The following LMAN2L variants were observed in gnomAD, a reference collection of about 807,000 sequenced individuals.
The protein encoded by LMAN2L is lectin, mannose binding 2 like, also known as VIP36-like protein.
A neutral mutation model predicts 44.3 loss-of-function variants in LMAN2L; 30 were observed. The observed-to-expected ratio is 0.68, with a 90% CI of 0.51 to 0.92. The LOEUF (loss-of-function observed/expected upper bound fraction) is 0.92. Ranked by LOEUF, LMAN2L falls within the 40% of genes least tolerant of loss-of-function variation. LMAN2L has a pLI of 0.00. For missense variants in LMAN2L, 429 were observed against 446.1 expected (o/e 0.96, Z 0.35); for synonymous variants, 183 against 171.1 (o/e 1.07, Z -0.54).
chr2:96,733,542 G>T lies in LMAN2L; in HGVS notation c.484C>A (p.Pro162Thr). 6.2e-7 allele frequency: 1 copy of T among 1,613,788 alleles called. No homozygotes were observed. Among genetic ancestry groups the T allele is most frequent in the Non-Finnish European group, 8.5e-7 (1 of 1,179,824 alleles). ...VGLGVFVDTY[P>T]NEEKQQERVF... ...ACCTCTTGCTGCTTCTCCTCATTGG[G>T]GTAGGTGTCTACAAATACTCCCAGC... The change falls in exon 4 of 8, where the codon CCC becomes ACC. Residue 162 changes from proline (P) to threonine (T), a missense_variant. Physicochemically the swap from Pro to Thr is conservative, Grantham distance 38. Coordinates refer to ENST00000264963, the MANE Select transcript of LMAN2L (RefSeq NM_030805.4).
intron 4 of LMAN2L, among the ~76,000 whole-genome samples, chr2:96,712,879 A>T (rs949701764): frequency 6.6e-6 from 1 of 152,266 alleles, no homozygotes; most frequent in Non-Finnish European, 1.5e-5. Flanking sequence ...ATGCCAAGGC[A>T]GTGCAAAAAG....
At chr2:96,738,094 T>C (rs759313959) in intron 1 of LMAN2L, 27 bp from the exon 2 acceptor site, 3 of 1,526,206 alleles carry the variant, frequency 2.0e-6, no homozygotes, top group Admixed American at 1.7e-5. Flanking sequence ...GATCAGTTCA[T>C]ACTTTTCAAC....
intron 4 of LMAN2L, among the ~76,000 whole-genome samples, chr2:96,715,668 G>C (rs536169415): frequency 1.8e-4 from 28 of 152,264 alleles, no homozygotes; most frequent in African/African-American, 6.5e-4. Context: ...TCAACTTTTT[G>C]TACTACAAGA....
chr2:96,733,020 C>T (rs62156211), intron 4 of LMAN2L, among the ~76,000 whole-genome samples: 11,686 of 152,030 alleles, frequency 0.077, 509 homozygotes, highest in Middle Eastern at 0.16. Flanking sequence ...AAGTGCTGGG[C>T]TTACAGGTGT....
At chr2:96,715,849 T>C (rs1176066517) in intron 4 of LMAN2L, among the ~76,000 whole-genome samples, 1 of 152,254 alleles carries the variant, frequency 6.6e-6, no homozygotes, top group East Asian at 1.9e-4. Flanking sequence ...ATGTCACTTA[T>C]AGCTGTGTAA....
rs899350644 is a variant in LMAN2L at position 96,707,228 on chromosome 2, G to A, written c.*28C>T. 3.1e-6 allele frequency: 5 copies of A among 1,610,786 alleles called. No homozygotes were observed. Among genetic ancestry groups the A allele is most frequent in the Non-Finnish European group, 4.2e-6 (5 of 1,177,788 alleles). ...CTCCTTCCATACCTCATGGGTGACA[G>A]TCACAAAAGTGGTGGCAGCAGGAGG... is the stretch of plus-strand genomic sequence containing the variant. On this transcript the variant is annotated 3_prime_UTR_variant, in exon 8 of 8. Coordinates refer to ENST00000264963, the MANE Select transcript of LMAN2L (RefSeq NM_030805.4).
intron 4 of LMAN2L, among the ~76,000 whole-genome samples, chr2:96,731,189 T>C (rs2078388108): frequency 6.6e-6 from 1 of 152,148 alleles, no homozygotes; most frequent in Non-Finnish European, 1.5e-5. Context: ...TGCTACTGAG[T>C]ACAAGGACCA....
intron 6 of LMAN2L, 136 bp from the exon 7 acceptor site, chr2:96,707,969 T>A (rs2077822343): frequency 5.9e-6 from 5 of 841,392 alleles, no homozygotes; most frequent in Non-Finnish European, 9.3e-6. Flanking sequence ...AACCTCTCCA[T>A]TTTGCAACTA....
intron 4 of LMAN2L, among the ~76,000 whole-genome samples, chr2:96,721,767 A>T (rs2078161745): frequency 6.6e-6 from 1 of 152,078 alleles, no homozygotes; most frequent in Admixed American, 6.6e-5. Context: ...GGCACGAGCC[A>T]CCACACCCAG....
intron 4 of LMAN2L, among the ~76,000 whole-genome samples, chr2:96,724,089 ACT>A (rs2078218248): frequency 6.6e-6 from 1 of 150,956 alleles, no homozygotes; most frequent in Admixed American, 6.6e-5. Flanking sequence ...ACAGAGCGAG[ACT>A]CTGTCTCAAA....
At chr2:96,723,647 T>C (rs1277030131) in intron 4 of LMAN2L, among the ~76,000 whole-genome samples, 3 of 152,178 alleles carry the variant, frequency 2.0e-5, no homozygotes, top group African/African-American at 4.8e-5. Flanking sequence ...AAAAGTTTTA[T>C]AGTTTTAATT....
chr2:96,735,197 T>C (rs1180763045), intron 2 of LMAN2L, among the ~76,000 whole-genome samples: 4 of 152,180 alleles, frequency 2.6e-5, no homozygotes, highest in African/African-American at 4.8e-5. Context: ...GTGTTTTAAA[T>C]AGTTGAACGG....
rs1035118162 is a variant in LMAN2L, at chr2:96,722,137, T to G, written c.508-10112A>C. ...TGGCCGCCACCACGCCCGGCTAATT[T>G]TTTTGTATTTTTAGTAGAGACGGGG... is the stretch of plus-strand genomic sequence containing the variant. On this transcript the variant is annotated intron_variant, in intron 4 of 7. Coordinates refer to ENST00000264963, the MANE Select transcript of LMAN2L (RefSeq NM_030805.4). Among the ~76,000 whole-genome samples, 20 of 151,936 alleles carry G rather than the reference T, an allele frequency of 1.3e-4. No individual in the cohort carries two copies. In the South Asian group the frequency reaches 1.9e-3, roughly 14 times the overall value.
At chr2:96,732,600 C>T (rs1479128278) in intron 4 of LMAN2L, among the ~76,000 whole-genome samples, 9 of 149,576 alleles carry the variant, frequency 6.0e-5, no homozygotes, top group Non-Finnish European at 8.9e-5. Context: ...GCCGAGATCG[C>T]GCCACTGCAC....
intron 2 of LMAN2L, chr2:96,737,023 A>C (rs1431854616): frequency 2.7e-6 from 1 of 368,994 alleles, no homozygotes; most frequent in Non-Finnish European, 5.2e-6. Flanking sequence ...GTAAGTTCTT[A>C]GTTTAAGAGA....
At chr2:96,708,811 G>T (rs1326882418) in intron 6 of LMAN2L, among the ~76,000 whole-genome samples, 1 of 150,984 alleles carries the variant, frequency 6.6e-6, no homozygotes, top group East Asian at 1.9e-4. Context: ...CCAGAGAGAA[G>T]ATCAAGCAAT....
intron 4 of LMAN2L, among the ~76,000 whole-genome samples, chr2:96,716,805 C>T (rs771362924): frequency 6.6e-6 from 1 of 152,300 alleles, no homozygotes; most frequent in Non-Finnish European, 1.5e-5. Context: ...CTGGGATACA[C>T]TGCTTTCAAT....
Position 96,707,292 on chromosome 2 carries a change from G to C in LMAN2L, c.1011C>G (p.Asn337Lys). 1.9e-6 allele frequency: 3 copies of C among 1,614,128 alleles called. No homozygotes were observed. Among genetic ancestry groups the C allele is most frequent in the Non-Finnish European group, 2.5e-6 (3 of 1,179,996 alleles). ...GCTTTCGGCTCTGTTCCTGCCATTT[G>C]TTGTAGAGTATGATACCAATGACTA... Reference protein sequence around the residue: ...FAIVIGIILYNKWQEQSRKRF... With the variant: ...FAIVIGIILYKKWQEQSRKRF... The change falls in exon 8 of 8, where the codon AAC becomes AAG. Residue 337 changes from asparagine to lysine, a missense_variant. By Grantham distance (94) the Asn-to-Lys change is moderately conservative. Coordinates refer to ENST00000264963, the MANE Select transcript of LMAN2L (RefSeq NM_030805.4).
chr2:96,719,066 C>T lies in LMAN2L; in HGVS notation c.508-7041G>A, dbSNP rs140647689. Among the ~76,000 whole-genome samples, 1,336 of 152,270 alleles carry T rather than the reference C, an allele frequency of 8.8e-3. 9 individuals carry two copies. The highest frequency in any genetic ancestry group is 0.012 in the Non-Finnish European group (836 of 68,020). ...CCCAAGCACTGACCTTTATAACCTACCCACCCAGATTACAAGTACCAAGTT... is the reference window on the plus strand; with the variant it reads ...CCCAAGCACTGACCTTTATAACCTATCCACCCAGATTACAAGTACCAAGTT... On this transcript the variant is annotated intron_variant, in intron 4 of 7. Coordinates refer to ENST00000264963, the MANE Select transcript of LMAN2L (RefSeq NM_030805.4).
Sources: gnomAD v4.1 joint callset for allele counts (sites outside exome capture counted in the v4.1 genomes callset) on GRCh38, gnomAD v4.1.1 for gene constraint, MANE v1.5 for transcripts, NCBI Gene and HGNC (gene_info 2026-07-23, HGNC 2026-07-21) for gene names.